Variants in THRB observed in about 807,000 individuals in gnomAD.
THRB encodes nuclear receptor subfamily 1 group A member 2.
THRB carries 12 observed loss-of-function variants against 47.8 expected under a neutral mutation model. That is an observed-to-expected ratio of 0.25 (90% CI 0.16 to 0.41). The LOEUF (loss-of-function observed/expected upper bound fraction) is 0.41. Ranked by LOEUF, THRB falls within the 10% of genes least tolerant of loss-of-function variation. The pLI is 1.00. For synonymous variants in THRB, 218 were observed against 212.2 expected (o/e 1.03, Z -0.24); for missense variants, 348 against 589.2 (o/e 0.59, Z 4.24).
At chr3:24,385,236 T>G (rs1345071485) in intron 1 of THRB, among the ~76,000 whole-genome samples, 3 of 152,078 alleles carry the variant, frequency 2.0e-5, no homozygotes, top group African/African-American at 7.2e-5. Flanking sequence ...AATGCTCAAT[T>G]TTATTAATGA....
At chr3:24,270,369 A>T (rs918403625) in intron 3 of THRB, among the ~76,000 whole-genome samples, 1 of 152,222 alleles carries the variant, frequency 6.6e-6, no homozygotes, top group Non-Finnish European at 1.5e-5. Flanking sequence ...GACTCACTTT[A>T]AAAATGAAAA....
chr3:24,227,352 G>A (rs930622387), intron 4 of THRB, among the ~76,000 whole-genome samples: 1 of 152,210 alleles, frequency 6.6e-6, no homozygotes, highest in Non-Finnish European at 1.5e-5. Flanking sequence ...CAGAAACATT[G>A]AGGCTGTAGC....
At chr3:24,481,229 GTTTTTTTT>G (rs746323691) in intron 1 of THRB, among the ~76,000 whole-genome samples, 740 of 55,376 alleles carry the variant, frequency 0.013, 12 homozygotes, top group African/African-American at 0.045. Context: ...GTTTCTTTCT[GTTTTTTTT>G]TTTTTTTTTT....
chr3:24,312,465 A>C (rs2057821245), intron 2 of THRB, among the ~76,000 whole-genome samples: 1 of 152,210 alleles, frequency 6.6e-6, no homozygotes, highest in African/African-American at 2.4e-5. Context: ...AAGCTGGTGA[A>C]AGAGCTAAGT....
chr3:24,209,690 G>A (rs539339329), intron 4 of THRB, among the ~76,000 whole-genome samples: 13 of 152,290 alleles, frequency 8.5e-5, no homozygotes, highest in Admixed American at 3.3e-4. Context: ...TGGGCGGAGC[G>A]GGGAGGGATA....
chr3:24,370,041 A>G (rs1307762299), intron 1 of THRB, among the ~76,000 whole-genome samples: 2 of 152,282 alleles, frequency 1.3e-5, no homozygotes, highest in East Asian at 3.9e-4. Context: ...GCTAGTTTGG[A>G]GATGAAATAT....
At chr3:24,328,871 A>G (rs192639862) in intron 2 of THRB, among the ~76,000 whole-genome samples, 17 of 152,318 alleles carry the variant, frequency 1.1e-4, no homozygotes, top group Admixed American at 1.0e-3. Flanking sequence ...TATCAGATTA[A>G]TATCCAAACG....
At chr3:24,148,928 G>C (rs2036507360) in intron 6 of THRB, among the ~76,000 whole-genome samples, 1 of 152,182 alleles carries the variant, frequency 6.6e-6, no homozygotes, top group African/African-American at 2.4e-5. Context: ...TTTGGGTTCT[G>C]TGTTCCTAAG....
chr3:24,241,508 A>G (rs980492667), intron 3 of THRB, among the ~76,000 whole-genome samples: 33 of 152,166 alleles, frequency 2.2e-4, no homozygotes, highest in African/African-American at 8.0e-4. Context: ...GCCTACAGAG[A>G]AATCTATTCT....
At chr3:24,357,361 AAAAAAAAAAAAAAC>A (rs2063747983) in intron 1 of THRB, among the ~76,000 whole-genome samples, 1 of 146,502 alleles carries the variant, frequency 6.8e-6, no homozygotes, top group Non-Finnish European at 1.5e-5. Context: ...AAAAAAAAAA[AAAAAAAAAAAAAAC>A]AAAAAACAAA....
intron 1 of THRB, among the ~76,000 whole-genome samples, chr3:24,440,145 AT>A (rs1343248126): frequency 6.6e-6 from 1 of 152,250 alleles, no homozygotes; most frequent in South Asian, 2.1e-4. Context: ...TTCTAGATTG[AT>A]TTTTTTAAAC....
intron 1 of THRB, among the ~76,000 whole-genome samples, chr3:24,418,097 T>C (rs191301674): frequency 1.9e-4 from 29 of 152,012 alleles, no homozygotes; most frequent in African/African-American, 7.0e-4. Context: ...CAACTTAGTG[T>C]TGTTTAATTA....
chr3:24,493,933 G>A (rs1034783574), intron 1 of THRB, among the ~76,000 whole-genome samples: 1 of 152,208 alleles, frequency 6.6e-6, no homozygotes, highest in Middle Eastern at 3.2e-3. Context: ...CCTTCTCCGA[G>A]GGGGTGGAGG....
intron 8 of THRB, among the ~76,000 whole-genome samples, chr3:24,135,846 T>TATATATAA (rs1231598841): frequency 2.5e-4 from 30 of 121,152 alleles, no homozygotes; most frequent in African/African-American, 5.6e-4. Context: ...TATATATATA[T>TATATATAA]AATACATAAA....
At chr3:24,127,151 G>A (rs148327520) in intron 10 of THRB, among the ~76,000 whole-genome samples, 1 of 152,156 alleles carries the variant, frequency 6.6e-6, no homozygotes, top group African/African-American at 2.4e-5. Context: ...ACACACAATC[G>A]TGTGGTCACT....
rs539829669 is a variant in THRB, at chr3:24,198,452, GCCCCCCC to G, written c.23-8125_23-8119del. On this transcript the variant is annotated intron_variant, in intron 4 of 10. Coordinates refer to ENST00000646209, the MANE Select transcript of THRB (RefSeq NM_001354712.2). ...GTAAGTGTTCAAAGTGTCTCCCCCC[GCCCCCCC>G]CCCCCCCTTTTTTTTTTAACTACTA... Among the ~76,000 whole-genome samples, 10 of 47,900 alleles carry G rather than the reference GCCCCCCC, an allele frequency of 2.1e-4. No homozygotes were observed. The South Asian group carries it at 9.8e-3, about 47-fold the overall frequency. The allele number at this position is 47,900 out of a possible 152,430, so 31.4% of individuals were successfully genotyped here.
At chr3:24,492,947 A>G (rs1366854096) in intron 1 of THRB, among the ~76,000 whole-genome samples, 1 of 152,252 alleles carries the variant, frequency 6.6e-6, no homozygotes, top group Non-Finnish European at 1.5e-5. Context: ...TGTATTTACT[A>G]GCAGATGGTC....
chr3:24,276,331 A>G (rs1428573651), intron 3 of THRB, among the ~76,000 whole-genome samples: 1 of 152,182 alleles, frequency 6.6e-6, no homozygotes, highest in East Asian at 1.9e-4. Context: ...TCATTCATTT[A>G]TTAACTTAAT....
chr3:24,371,463 A>G (rs2064904455), intron 1 of THRB, among the ~76,000 whole-genome samples: 1 of 152,136 alleles, frequency 6.6e-6, no homozygotes, highest in Non-Finnish European at 1.5e-5. Context: ...CTTATTAATA[A>G]TAATAATTTA....
Sources: gnomAD v4.1 joint callset for allele counts (sites outside exome capture counted in the v4.1 genomes callset) on GRCh38, gnomAD v4.1.1 for gene constraint, MANE v1.5 for transcripts, NCBI Gene and HGNC (gene_info 2026-07-23, HGNC 2026-07-21) for gene names.